Variants in B3GALT1 observed in about 807,000 individuals in gnomAD.
B3GALT1 encodes the protein UDP-Gal:betaGlcNAc beta 1,3-galactosyltransferase, polypeptide 1.
A neutral mutation model predicts 23.2 loss-of-function variants in B3GALT1; 10 were observed. That is an observed-to-expected ratio of 0.43 (90% confidence interval 0.27 to 0.73). B3GALT1 has a LOEUF of 0.73. B3GALT1 is among the 30% of genes least tolerant of loss of function. The pLI, the probability that B3GALT1 is intolerant of heterozygous loss-of-function variation, is 0.21. For synonymous variants in B3GALT1, 156 were observed against 141.5 expected (o/e 1.10, Z -0.73); for missense variants, 299 against 405.4 (o/e 0.74, Z 2.25).
chr2:167,543,230 T>C (rs893473290), intron 2 of B3GALT1, among the ~76,000 whole-genome samples: 1 of 152,184 alleles, frequency 6.6e-6, no homozygotes, highest in Non-Finnish European at 1.5e-5. Context: ...AAAAGTCTTT[T>C]TAATAATTAC....
At chr2:167,757,578 T>C (rs573415670) in intron 3 of B3GALT1, among the ~76,000 whole-genome samples, 361 of 152,236 alleles carry the variant, frequency 2.4e-3, no homozygotes, top group African/African-American at 8.4e-3. Context: ...CAGGCTGGAC[T>C]TTTTTTGACC....
intron 1 of B3GALT1, among the ~76,000 whole-genome samples, chr2:167,356,435 A>C (rs1697405035): frequency 6.6e-6 from 1 of 152,182 alleles, no homozygotes; most frequent in African/African-American, 2.4e-5. Flanking sequence ...TTTTCATAGT[A>C]GACAAAAGTG....
At chr2:167,297,063 G>A (rs987600344) in intron 1 of B3GALT1, among the ~76,000 whole-genome samples, 2 of 151,892 alleles carry the variant, frequency 1.3e-5, no homozygotes. Context: ...ATATGTGAGG[G>A]TTAAAGGCAA....
At chr2:167,416,833 A>G (rs1559090112) in intron 1 of B3GALT1, among the ~76,000 whole-genome samples, 1 of 152,206 alleles carries the variant, frequency 6.6e-6, no homozygotes, top group African/African-American at 2.4e-5. Context: ...TTAAGATTTC[A>G]TGTTTATCTT....
At chr2:167,524,100 GTTTATC>G (rs1201698574) in intron 2 of B3GALT1, among the ~76,000 whole-genome samples, 1 of 152,074 alleles carries the variant, frequency 6.6e-6, no homozygotes, top group Non-Finnish European at 1.5e-5. Flanking sequence ...GTTCACCAGA[GTTTATC>G]TTTATCCTTA....
At chr2:167,564,106 CG>C (rs1353951900) in intron 2 of B3GALT1, among the ~76,000 whole-genome samples, 1 of 150,892 alleles carries the variant, frequency 6.6e-6, no homozygotes, top group Admixed American at 6.6e-5. Context: ...ACCTCTCAGA[CG>C]GGGCGGCTGC....
At chr2:167,850,824 G>A (rs1286219809) in intron 4 of B3GALT1, among the ~76,000 whole-genome samples, 5 of 152,092 alleles carry the variant, frequency 3.3e-5, no homozygotes, top group Admixed American at 3.3e-4. Flanking sequence ...GGGGAAGAGT[G>A]GGAGGGGGCC....
chr2:167,667,046 C>T (rs1241141414), intron 3 of B3GALT1, among the ~76,000 whole-genome samples: 5 of 151,660 alleles, frequency 3.3e-5, no homozygotes, highest in Admixed American at 1.3e-4. Flanking sequence ...TTCCTAGTCT[C>T]GATGGTCTTT....
chr2:167,710,127 AG>A (rs1163900140), intron 3 of B3GALT1, among the ~76,000 whole-genome samples: 1 of 152,200 alleles, frequency 6.6e-6, no homozygotes, highest in African/African-American at 2.4e-5. Flanking sequence ...CCAGGTGCAA[AG>A]GGTAGACTTA....
At chr2:167,812,996 A>ACCCCCC in intron 3 of B3GALT1, among the ~76,000 whole-genome samples, 2 of 70,490 alleles carry the variant, frequency 2.8e-5, no homozygotes, top group African/African-American at 9.5e-5. Flanking sequence ...CACCACCCCC[A>ACCCCCC]CCCCCCCCCA....
At chr2:167,592,716 G>A (rs1394419898) in intron 2 of B3GALT1, among the ~76,000 whole-genome samples, 1 of 152,114 alleles carries the variant, frequency 6.6e-6, no homozygotes, top group Non-Finnish European at 1.5e-5. Flanking sequence ...TTCTATCTTG[G>A]CCATTGCTTC....
chr2:167,837,720 A>G (rs1200119200), intron 4 of B3GALT1, among the ~76,000 whole-genome samples: 19 of 148,184 alleles, frequency 1.3e-4, no homozygotes, highest in Admixed American at 1.1e-3. Flanking sequence ...TCAACAGAAT[A>G]TACATTTTTT....
chr2:167,657,381 A>G (rs1038898307), intron 3 of B3GALT1, among the ~76,000 whole-genome samples: 3 of 152,094 alleles, frequency 2.0e-5, no homozygotes, highest in Non-Finnish European at 4.4e-5. Flanking sequence ...ACTACCATTC[A>G]AGGGGTGTGC....
At chr2:167,809,451 G>A (rs1289202005) in intron 3 of B3GALT1, among the ~76,000 whole-genome samples, 2 of 152,198 alleles carry the variant, frequency 1.3e-5, no homozygotes, top group South Asian at 2.1e-4. Flanking sequence ...GTGACGTACA[G>A]ATGGGGTTTT....
intron 2 of B3GALT1, among the ~76,000 whole-genome samples, chr2:167,625,045 A>G (rs1342085760): frequency 6.6e-6 from 1 of 151,990 alleles, no homozygotes; most frequent in Non-Finnish European, 1.5e-5. Flanking sequence ...TCAGGCATGC[A>G]TCATGAGAAA....
chr2:167,715,576 A>G, intron 3 of B3GALT1: 4 of 1,613,934 alleles, frequency 2.5e-6, no homozygotes, highest in Non-Finnish European at 3.4e-6. Context: ...CCATCAGTTC[A>G]TCTTGTGGAG....
At chr2:167,715,119 G>C in intron 3 of B3GALT1, 1 of 1,613,742 alleles carries the variant, frequency 6.2e-7, no homozygotes, top group Non-Finnish European at 8.5e-7. Context: ...GCATGAATCA[G>C]TTTCTTCAAA....
At chr2:167,648,432 CCTTA>C (rs1299941136) in intron 3 of B3GALT1, among the ~76,000 whole-genome samples, 2 of 152,014 alleles carry the variant, frequency 1.3e-5, no homozygotes, top group Non-Finnish European at 2.9e-5. Context: ...TCATTATGCT[CCTTA>C]CTTACAAGAA....
intron 2 of B3GALT1, among the ~76,000 whole-genome samples, chr2:167,498,567 C>T (rs1302814700): frequency 6.6e-6 from 1 of 151,942 alleles, no homozygotes; most frequent in African/African-American, 2.4e-5. Context: ...AGAAAAAGTA[C>T]TTTGAAAGAA....
Sources: gnomAD v4.1 joint callset for allele counts (sites outside exome capture counted in the v4.1 genomes callset) on GRCh38, gnomAD v4.1.1 for gene constraint, MANE v1.5 for transcripts, NCBI Gene and HGNC (gene_info 2026-07-23, HGNC 2026-07-21) for gene names.